The following ADGRL3 variants were observed in gnomAD, a reference collection of about 807,000 sequenced individuals.
The protein encoded by ADGRL3 is adhesion G protein-coupled receptor L3.
Under a neutral mutation model 153.5 loss-of-function variants are expected in ADGRL3, and 62 were observed. The ratio of observed to expected loss-of-function variants is 0.40; its 90% confidence interval spans 0.33 to 0.50. ADGRL3 has a LOEUF of 0.50. Among genes scored for constraint, ADGRL3 ranks in the 20% least tolerant of loss-of-function variants. ADGRL3 has a pLI of 0.47. For synonymous variants in ADGRL3, 710 were observed against 672.5 expected (o/e 1.06, Z -0.86); for missense variants, 1,641 against 1,859.4 (o/e 0.88, Z 2.16).
At chr4:61,879,530 G>A (rs1408793263) in intron 9 of ADGRL3, among the ~76,000 whole-genome samples, 4 of 152,008 alleles carry the variant, frequency 2.6e-5, no homozygotes, top group Admixed American at 1.3e-4. Context: ...GGTCAGGTGT[G>A]GAATTTTTCA....
chr4:61,321,978 A>G (rs2095365687), intron 1 of ADGRL3, among the ~76,000 whole-genome samples: 1 of 152,168 alleles, frequency 6.6e-6, no homozygotes, highest in Non-Finnish European at 1.5e-5. Flanking sequence ...GTATTAGTCC[A>G]TTTTCACACT....
At chr4:62,029,704 GTTT>G (rs11337568) in intron 22 of ADGRL3, among the ~76,000 whole-genome samples, 3 of 134,230 alleles carry the variant, frequency 2.2e-5, no homozygotes, top group Non-Finnish European at 3.2e-5. Flanking sequence ...TTCTTTTGTT[GTTT>G]TTTTTTTTTT....
At chr4:61,562,525 G>A (rs900327627) in intron 4 of ADGRL3, among the ~76,000 whole-genome samples, 5 of 152,060 alleles carry the variant, frequency 3.3e-5, no homozygotes, top group South Asian at 2.1e-4. Flanking sequence ...TAAATCCTTC[G>A]TTGTCATTTC....
intron 9 of ADGRL3, among the ~76,000 whole-genome samples, chr4:61,876,258 A>G (rs2098474335): frequency 6.7e-6 from 1 of 149,284 alleles, no homozygotes; most frequent in Admixed American, 6.9e-5. Context: ...ATATTACAGT[A>G]TCATTCATAA....
chr4:62,028,313 CAGAA>C (rs1317638893), intron 21 of ADGRL3, among the ~76,000 whole-genome samples: 3 of 151,648 alleles, frequency 2.0e-5, no homozygotes, highest in African/African-American at 7.3e-5. Context: ...AGAACACAAA[CAGAA>C]AGAGTTTTAA....
chr4:61,915,671 A>G (rs868713326), intron 13 of ADGRL3, among the ~76,000 whole-genome samples: 14 of 152,310 alleles, frequency 9.2e-5, no homozygotes, highest in Middle Eastern at 6.8e-3. Flanking sequence ...TGAATCAGAA[A>G]TGCTCTGCTA....
intron 1 of ADGRL3, among the ~76,000 whole-genome samples, chr4:61,218,191 GGT>G (rs1254718680): frequency 1.3e-5 from 2 of 152,126 alleles, no homozygotes; most frequent in Non-Finnish European, 1.5e-5. Flanking sequence ...AAGTAAGTGT[GGT>G]TTAGGAAAAG....
chr4:61,497,555 A>G (rs2098333893), intron 3 of ADGRL3, among the ~76,000 whole-genome samples: 1 of 132,942 alleles, frequency 7.5e-6, no homozygotes, highest in Non-Finnish European at 1.5e-5. Flanking sequence ...TCGCACTGTC[A>G]CCCAGGCTCG....
At chr4:61,415,546 G>A (rs1332251267) in intron 2 of ADGRL3, among the ~76,000 whole-genome samples, 1 of 151,964 alleles carries the variant, frequency 6.6e-6, no homozygotes, top group Non-Finnish European at 1.5e-5. Context: ...TTTGCCTAAG[G>A]TTGAAGTGCT....
chr4:61,392,790 A>G (rs2096828703), intron 2 of ADGRL3, among the ~76,000 whole-genome samples: 1 of 151,324 alleles, frequency 6.6e-6, no homozygotes, highest in Non-Finnish European at 1.5e-5. Context: ...GTCATCTAGT[A>G]TACAAAACCT....
chr4:61,737,759 T>TTAGC (rs2151879648), intron 8 of ADGRL3, among the ~76,000 whole-genome samples: 1 of 152,266 alleles, frequency 6.6e-6, no homozygotes, highest in South Asian at 2.1e-4. Flanking sequence ...TGTCCAGATG[T>TTAGC]TAGCACCAGG....
In ADGRL3 at chr4:61,202,282, C is replaced by G. The variant is rs1735064488; in HGVS notation, c.-240+517C>G. On this transcript the variant is annotated intron_variant, in intron 1 of 26. Transcript: ENST00000683033. This position sits in a 1 kb window ranked among gnomAD's most constrained non-coding sequence, Gnocchi z 5.0. ...GGAAAATGCAGGGTGCCGAGCCCGG[C>G]GCGATTCTCCCTCAACGCTTGCCTG... 1 of 152,446 alleles carries G rather than the reference C, an allele frequency of 6.6e-6. No homozygotes were observed. Among genetic ancestry groups the G allele is most frequent in the Non-Finnish European group, 1.5e-5 (1 of 68,266 alleles). The allele number at this position is 152,446 out of a possible 1,614,324, so 9.4% of individuals were successfully genotyped here.
At chr4:61,852,187 T>C (rs1317994654) in intron 9 of ADGRL3, among the ~76,000 whole-genome samples, 1 of 152,176 alleles carries the variant, frequency 6.6e-6, no homozygotes, top group Non-Finnish European at 1.5e-5. Context: ...ACACTCTGCT[T>C]AGTTAACACT....
chr4:61,206,875 G>A (rs1397598011), intron 1 of ADGRL3, among the ~76,000 whole-genome samples: 2 of 151,816 alleles, frequency 1.3e-5, no homozygotes, highest in Non-Finnish European at 2.9e-5. Flanking sequence ...CCAGCTATTC[G>A]GGAGGCTTGA....
intron 9 of ADGRL3, among the ~76,000 whole-genome samples, chr4:61,838,428 G>A (rs1216168035): frequency 5.3e-5 from 8 of 152,168 alleles, no homozygotes; most frequent in Non-Finnish European, 1.2e-4. Flanking sequence ...TTAAGCATTT[G>A]CCTTATTTAG....
At chr4:61,291,217 C>CAT (rs1560433692) in intron 1 of ADGRL3, among the ~76,000 whole-genome samples, 30 of 145,902 alleles carry the variant, frequency 2.1e-4, no homozygotes, top group African/African-American at 7.4e-4. Context: ...CACACACACA[C>CAT]GCACACACAC....
At chr4:61,872,655 TAA>T (rs112560667) in intron 9 of ADGRL3, among the ~76,000 whole-genome samples, 8 of 143,054 alleles carry the variant, frequency 5.6e-5, no homozygotes, top group Admixed American at 1.4e-4. Context: ...TAACCTTGTT[TAA>T]AAAAAAAAAA....
chr4:61,817,100 T>C (rs1453146715), intron 9 of ADGRL3, among the ~76,000 whole-genome samples: 2 of 148,534 alleles, frequency 1.3e-5, no homozygotes, highest in Non-Finnish European at 3.0e-5. Flanking sequence ...AGCTCAGGGA[T>C]GGAAGCCCAG....
At chr4:61,617,807 T>C (rs2092163893) in intron 5 of ADGRL3, among the ~76,000 whole-genome samples, 1 of 152,210 alleles carries the variant, frequency 6.6e-6, no homozygotes, top group Non-Finnish European at 1.5e-5. Flanking sequence ...ATCCTCAACG[T>C]ATTCTCTGTT....
Sources: gnomAD v4.1 joint callset for allele counts (sites outside exome capture counted in the v4.1 genomes callset) on GRCh38, gnomAD v4.1.1 for gene constraint, Gnocchi (gnomAD v3.1) non-coding constraint, MANE v1.5 for transcripts, NCBI Gene and HGNC (gene_info 2026-07-23, HGNC 2026-07-21) for gene names.